Variants in EDC3 observed in about 807,000 individuals in gnomAD.
The protein encoded by EDC3 is enhancer of mRNA-decapping protein 3.
EDC3 carries 20 observed loss-of-function variants against 41.8 expected under a neutral mutation model. That is an observed-to-expected ratio of 0.48 (90% CI 0.34 to 0.70). EDC3 has a LOEUF of 0.70. Ranked by LOEUF, EDC3 falls within the 30% of genes least tolerant of loss-of-function variation. The pLI, the probability that EDC3 is intolerant of heterozygous loss-of-function variation, is 0.01. For missense variants in EDC3, 444 were observed against 636.8 expected, an observed-to-expected ratio of 0.70 and a Z score of 3.26; for synonymous variants, 206 against 243.2, an observed-to-expected ratio of 0.85 and a Z score of 1.42.
At chr15:74,645,729 A>T (rs2141594383) in intron 4 of EDC3, among the ~76,000 whole-genome samples, 1 of 151,794 alleles carries the variant, frequency 6.6e-6, no homozygotes, top group East Asian at 1.9e-4. Flanking sequence ...AAAAAAAAAA[A>T]ATTAGCTGTG....
chr15:74,693,844 C>T (rs1374888221), intron 1 of EDC3, among the ~76,000 whole-genome samples: 2 of 152,002 alleles, frequency 1.3e-5, no homozygotes. Flanking sequence ...ATTAGCCAGG[C>T]GTGGTGGTGC....
At chr15:74,694,129 C>G (rs2063039553) in intron 1 of EDC3, among the ~76,000 whole-genome samples, 1 of 152,156 alleles carries the variant, frequency 6.6e-6, no homozygotes, top group African/African-American at 2.4e-5. Context: ...GTAAGCCCTT[C>G]TCTGGATAAG....
intron 4 of EDC3, among the ~76,000 whole-genome samples, chr15:74,653,542 C>T (rs1420466935): frequency 2.6e-5 from 4 of 152,188 alleles, no homozygotes; most frequent in Admixed American, 2.6e-4. Context: ...CTTTCCACTC[C>T]TTGTCACTGT....
At position 74,687,701 on chromosome 15, in the gene EDC3, T is replaced by C. The variant is rs2062955062; in HGVS notation, c.-19+8179A>G. Among the ~76,000 whole-genome samples the C allele has an allele frequency of 2.6e-5, 4 of 152,268 alleles. No individual in the cohort carries two copies. The South Asian group carries it at 8.3e-4, about 32-fold the overall frequency. On this transcript the variant is annotated intron_variant, in intron 1 of 6. Coordinates refer to ENST00000315127, the MANE Select transcript of EDC3 (RefSeq NM_025083.5). ...TGGGTAAATTTTCAATGCAACACAATTTCAACAATAATGATGATGGTAAAA... is the reference window on the plus strand; with the variant it reads ...TGGGTAAATTTTCAATGCAACACAACTTCAACAATAATGATGATGGTAAAA...
At chr15:74,670,227 A>C (rs2062724084) in intron 3 of EDC3, among the ~76,000 whole-genome samples, 1 of 152,046 alleles carries the variant, frequency 6.6e-6, no homozygotes, top group Admixed American at 6.6e-5. Flanking sequence ...TAAAATAAGA[A>C]TAGTTTGGCA....
At chr15:74,670,347 G>A (rs528574881) in intron 3 of EDC3, among the ~76,000 whole-genome samples, 64 of 152,280 alleles carry the variant, frequency 4.2e-4, no homozygotes, top group African/African-American at 1.5e-3. Context: ...ATATGTTGGA[G>A]AAGAACAGTT....
At chr15:74,646,952 A>G (rs1214125736) in intron 4 of EDC3, among the ~76,000 whole-genome samples, 3 of 152,066 alleles carry the variant, frequency 2.0e-5, no homozygotes, top group African/African-American at 7.2e-5. Context: ...CTGCTACAGA[A>G]CACAGTGTCT....
intron 1 of EDC3, among the ~76,000 whole-genome samples, chr15:74,681,732 C>T (rs1287356684): frequency 6.6e-6 from 1 of 152,188 alleles, no homozygotes; most frequent in East Asian, 1.9e-4. Context: ...CTAAGGTTCA[C>T]ACTTTATACA....
intron 4 of EDC3, chr15:74,643,901 C>T (rs1053303692): frequency 1.3e-5 from 2 of 152,186 alleles, no homozygotes; most frequent in Non-Finnish European, 1.5e-5. Context: ...CATGGGATTT[C>T]TCCAGGACTA....
Position 74,657,342 on chromosome 15 carries a change from T to G in EDC3, c.485-1274A>C, listed in dbSNP as rs181494258. On this transcript the variant is annotated intron_variant, in intron 3 of 6. Transcript: ENST00000315127. ...TCTGGCTCCTGCACCGGCTCACATG[T>G]GCACTCCCTCCCACAATGGGTAGAA... 3.9e-3 allele frequency among the ~76,000 whole-genome samples: 597 copies of G among 152,322 alleles called. 4 individuals are homozygous for G. Among genetic ancestry groups the G allele is most frequent in the Middle Eastern group, 6.8e-3 (2 of 294 alleles).
intron 4 of EDC3, among the ~76,000 whole-genome samples, chr15:74,655,350 C>G (rs149335536): frequency 4.7e-4 from 72 of 152,172 alleles, no homozygotes; most frequent in African/African-American, 1.7e-3. Context: ...TTTGCAACAA[C>G]AAATAATTAG....
intron 2 of EDC3, among the ~76,000 whole-genome samples, chr15:74,672,672 G>A (rs760216831): frequency 7.2e-5 from 11 of 151,970 alleles, no homozygotes; most frequent in Non-Finnish European, 1.0e-4. Flanking sequence ...ATGATTAGTC[G>A]GGTGTGGTGG....
chr15:74,641,012 G>A (rs996772610), intron 4 of EDC3: 17 of 243,458 alleles, frequency 7.0e-5, no homozygotes, highest in African/African-American at 3.5e-4. Context: ...CTTGGGCAGC[G>A]GGGCTTCCTC....
chr15:74,648,587 G>A (rs2062443812), intron 4 of EDC3, among the ~76,000 whole-genome samples: 2 of 152,114 alleles, frequency 1.3e-5, no homozygotes, highest in Admixed American at 1.3e-4. Flanking sequence ...AATGAGTATT[G>A]GTAAAAGGTG....
chr15:74,634,528 T>C (rs1479151309), intron 6 of EDC3, among the ~76,000 whole-genome samples: 6 of 152,126 alleles, frequency 3.9e-5, no homozygotes, highest in Non-Finnish European at 7.4e-5. Context: ...GCATATCCAA[T>C]AGGTGTCTCA....
chr15:74,633,070 A>G, intron 6 of EDC3, 124 bp from the exon 7 acceptor site: 1 of 1,039,134 alleles, frequency 9.6e-7, no homozygotes, highest in African/African-American at 1.6e-5. Context: ...TGCCTCTCCA[A>G]AGGCTGGCCT....
chr15:74,635,515 G>T lies in EDC3; in HGVS notation c.1086C>A (p.Val362=), dbSNP rs367891726. 1 of 1,614,256 alleles carries T rather than the reference G, an allele frequency of 6.2e-7. No homozygotes were observed. The highest frequency in any genetic ancestry group is 8.5e-7 in the Non-Finnish European group (1 of 1,180,048). ...AATTGGGCAGGAAAAGGATGACCTG[G>T]ACATCATGGTTGGCTAGGTGCCTTC... is the stretch of plus-strand genomic sequence containing the variant. The part of the protein sequence containing the change: ...SCGRHLANHD[V]QVILFLPNFV... Residue 362 remains valine (V), a synonymous_variant, in exon 6 of 7, where the codon GTC becomes GTA. Coordinates refer to ENST00000315127, the MANE Select transcript of EDC3 (RefSeq NM_025083.5).
At chr15:74,674,937 A>G (rs2141656757) in intron 2 of EDC3, 24 bp downstream of exon 2, 1 of 1,613,526 alleles carries the variant, frequency 6.2e-7, no homozygotes, top group Non-Finnish European at 8.5e-7. Flanking sequence ...GGTTGGATTC[A>G]GAAGAGTCAG....
chr15:74,693,345 T>C (rs2063029771), intron 1 of EDC3, among the ~76,000 whole-genome samples: 1 of 152,214 alleles, frequency 6.6e-6, no homozygotes, highest in Non-Finnish European at 1.5e-5. Flanking sequence ...TGATTTTGTT[T>C]GGACCCAAGC....
Sources: gnomAD v4.1 joint callset for allele counts (sites outside exome capture counted in the v4.1 genomes callset) on GRCh38, gnomAD v4.1.1 for gene constraint, MANE v1.5 for transcripts, NCBI Gene and HGNC (gene_info 2026-07-23, HGNC 2026-07-21) for gene names.